ARHGAP20: variants seen among roughly 807,000 people sequenced by gnomAD.
ARHGAP20 encodes rho GTPase-activating protein 20.
In ARHGAP20, 34 loss-of-function variants were observed where a neutral mutation model predicts 73.7. The ratio of observed to expected loss-of-function variants is 0.46; its 90% CI spans 0.35 to 0.61. The LOEUF (loss-of-function observed/expected upper bound fraction) is 0.61. ARHGAP20 is among the 20% of genes least tolerant of loss of function. ARHGAP20 has a pLI of 0.00. For synonymous variants in ARHGAP20, 523 were observed against 518.2 expected (o/e 1.01, Z -0.13); for missense variants, 1,314 against 1,420.9 (o/e 0.92, Z 1.21).
chr11:110,690,940 TG>T, intron 1 of ARHGAP20: 1 of 1,424,724 alleles, frequency 7.0e-7, no homozygotes, highest in Non-Finnish European at 9.5e-7. Context: ...ATCATGTGTC[TG>T]GCTCTATGCT....
At chr11:110,591,949 T>G in intron 10 of ARHGAP20, 28 bp downstream of exon 10, 1 of 1,609,296 alleles carries the variant, frequency 6.2e-7, no homozygotes, top group Non-Finnish European at 8.5e-7. Flanking sequence ...CCCTTTCCCA[T>G]CAGTTTACAG....
intron 13 of ARHGAP20, among the ~76,000 whole-genome samples, chr11:110,583,111 G>A (rs1947518307): frequency 6.6e-6 from 1 of 152,140 alleles, no homozygotes; most frequent in Non-Finnish European, 1.5e-5. Context: ...TAACTGTCAG[G>A]GACTACAGGA....
chr11:110,680,990 G>GA (rs1283928314), intron 2 of ARHGAP20, among the ~76,000 whole-genome samples: 2 of 151,700 alleles, frequency 1.3e-5, no homozygotes, highest in Non-Finnish European at 2.9e-5. Context: ...TCCTTGCAAG[G>GA]AAAAAAAAGT....
chr11:110,638,697 G>A (rs1269507860), intron 2 of ARHGAP20, among the ~76,000 whole-genome samples: 1 of 152,020 alleles, frequency 6.6e-6, no homozygotes, highest in Non-Finnish European at 1.5e-5. Flanking sequence ...CATGTCCTTT[G>A]TAGGGACATG....
intron 2 of ARHGAP20, among the ~76,000 whole-genome samples, chr11:110,675,755 A>G (rs1379054737): frequency 6.6e-6 from 1 of 152,190 alleles, no homozygotes; most frequent in Non-Finnish European, 1.5e-5. Context: ...TCCCTGTGCT[A>G]GAGGACTCCT....
chr11:110,650,859 T>G (rs887622504), intron 2 of ARHGAP20, among the ~76,000 whole-genome samples: 19 of 152,284 alleles, frequency 1.2e-4, no homozygotes, highest in African/African-American at 4.3e-4. Flanking sequence ...TGTGTACACA[T>G]GTGCTAAGAT....
intron 3 of ARHGAP20, among the ~76,000 whole-genome samples, chr11:110,624,588 C>T (rs1948697185): frequency 6.6e-6 from 1 of 151,616 alleles, no homozygotes; most frequent in African/African-American, 2.4e-5. Flanking sequence ...CACACGTAAC[C>T]CTATGCAACA....
chr11:110,622,754 T>G (rs550347287), intron 4 of ARHGAP20, among the ~76,000 whole-genome samples: 1 of 152,348 alleles, frequency 6.6e-6, no homozygotes, highest in African/African-American at 2.4e-5. Context: ...ATGATTAGAC[T>G]GGAGTTAAAG....
At chr11:110,633,828 G>A (rs1015877974) in intron 2 of ARHGAP20, among the ~76,000 whole-genome samples, 7 of 152,134 alleles carry the variant, frequency 4.6e-5, no homozygotes, top group African/African-American at 1.7e-4. Context: ...TTATCAGTGG[G>A]CTAGGTGGTA....
chr11:110,578,033 T>TGAAA lies in ARHGAP20; in HGVS notation c.*1333_*1336dup. ...ACTTCTTATAGGTTAGTAGTTAATG[T>TGAAA]GAAAGAAGATGCACATCCATTTTTA... is the stretch of plus-strand genomic sequence containing the variant. On this transcript the variant is annotated 3_prime_UTR_variant, in exon 15 of 15. Transcript: ENST00000683387. 1.0e-6 allele frequency: 1 copy of TGAAA among 985,416 alleles called. No homozygotes were observed. Among genetic ancestry groups the TGAAA allele is most frequent in the Non-Finnish European group, 1.2e-6 (1 of 829,928 alleles). 61.0% of individuals were successfully genotyped at this position (985,416 alleles called of 1,614,324 possible).
intron 2 of ARHGAP20, among the ~76,000 whole-genome samples, chr11:110,665,133 T>G (rs766231039): frequency 3.3e-5 from 5 of 152,108 alleles, no homozygotes; most frequent in Non-Finnish European, 7.4e-5. Flanking sequence ...TAAAAAACAT[T>G]TTGAATGGGA....
At chr11:110,683,734 A>G (rs1345774215) in intron 2 of ARHGAP20, among the ~76,000 whole-genome samples, 48 of 152,258 alleles carry the variant, frequency 3.2e-4, no homozygotes, top group Admixed American at 3.1e-3. Flanking sequence ...TATGACTCCT[A>G]TTTCACAGAT....
At chr11:110,665,283 C>T (rs1374024011) in intron 2 of ARHGAP20, among the ~76,000 whole-genome samples, 1 of 151,820 alleles carries the variant, frequency 6.6e-6, no homozygotes, top group Non-Finnish European at 1.5e-5. Context: ...TCTGAGTTTT[C>T]ATTGTAAGAA....
chr11:110,580,746 T>C lies in ARHGAP20; in HGVS notation c.2200A>G (p.Ile734Val), dbSNP rs151169911. 1.3e-4 allele frequency: 209 copies of C among 1,614,096 alleles called. 1 individual carries two copies. The African/African-American group carries it at 2.4e-3, about 19-fold the overall frequency. The change falls in exon 15 of 15, where the codon ATT becomes GTT. Residue 734 changes from isoleucine (I) to valine (V), a missense_variant. Ile to Val is a conservative substitution (Grantham distance 29, BLOSUM62 3). Around this residue, in one of 3 missense-constraint regions of ARHGAP20, gnomAD observed 641 missense variants for 636.9 expected, o/e 1.01. Transcript: ENST00000683387. ...TAGTCTTCATCTTTTTGAGAAAGAA[T>C]TGCATCACAGCTGGACTTGCGTAGC... The part of the protein sequence containing the change: ...KKLRKSSCDA[I>V]LSQKDEDYLK...
chr11:110,677,588 T>A (rs1030379524), intron 2 of ARHGAP20, among the ~76,000 whole-genome samples: 42 of 152,192 alleles, frequency 2.8e-4, no homozygotes, highest in African/African-American at 1.0e-3. Context: ...GAGGCTGAAG[T>A]AAGCCATGAT....
chr11:110,609,087 T>C (rs763361588), intron 7 of ARHGAP20, 37 bp from the exon 8 acceptor site: 16 of 1,589,340 alleles, frequency 1.0e-5, no homozygotes, highest in Middle Eastern at 1.7e-4. Context: ...CAATAAATCT[T>C]TCACATTTGA....
chr11:110,693,987 TA>T (rs1565481658), intron 1 of ARHGAP20, among the ~76,000 whole-genome samples: 1 of 151,886 alleles, frequency 6.6e-6, no homozygotes, highest in Non-Finnish European at 1.5e-5. Context: ...CACTCTGAAA[TA>T]GAATATTTTT....
intron 1 of ARHGAP20, among the ~76,000 whole-genome samples, chr11:110,698,648 G>A (rs911980883): frequency 6.6e-6 from 1 of 151,640 alleles, no homozygotes; most frequent in African/African-American, 2.4e-5. Context: ...AATCATGCAG[G>A]GTTTTATATT....
chr11:110,700,491 T>C (rs2135140288), intron 1 of ARHGAP20, among the ~76,000 whole-genome samples: 1 of 152,088 alleles, frequency 6.6e-6, no homozygotes, highest in East Asian at 1.9e-4. Flanking sequence ...TAGCATTTAC[T>C]TGTGGAGACG....
Sources: gnomAD v4.1 joint callset for allele counts (sites outside exome capture counted in the v4.1 genomes callset) on GRCh38, gnomAD v4.1.1 for gene constraint, gnomAD v4.1.1 regional missense constraint, MANE v1.5 for transcripts, NCBI Gene and HGNC (gene_info 2026-07-23, HGNC 2026-07-21) for gene names.